SLC75A1: variants seen among roughly 807,000 people sequenced by gnomAD.
SLC75A1 encodes solute carrier family 75 member 1.
At chr4:2,932,668 C>G in the SLC75A1 span, 4 of 1,611,520 alleles carry the variant, frequency 2.5e-6, no homozygotes, top group Non-Finnish European at 3.4e-6. Context: ...CTGACGTTCC[C>G]TTTGCTGATG....
chr4:2,931,487 T>A, the SLC75A1 span: 1 of 1,585,154 alleles, frequency 6.3e-7, no homozygotes, highest in Non-Finnish European at 8.6e-7. Context: ...CACGGCAGCC[T>A]CAGCACAGCC....
chr4:2,933,683 G>A, the SLC75A1 span: 2 of 1,612,792 alleles, frequency 1.2e-6, no homozygotes, highest in Admixed American at 3.3e-5. Context: ...GAGGAATCAC[G>A]ATAAGGGCTG....
the SLC75A1 span, chr4:2,933,151 G>A: frequency 6.2e-7 from 1 of 1,613,724 alleles, no homozygotes; most frequent in East Asian, 2.2e-5. Context: ...AGTCAGAGGT[G>A]GCCCCAGTGA....
the SLC75A1 span, chr4:2,933,197 G>T: frequency 5.0e-6 from 8 of 1,613,570 alleles, no homozygotes; most frequent in Non-Finnish European, 6.8e-6. Flanking sequence ...AGAGAATGCC[G>T]AGCCAATGAG....
At chr4:2,932,593 C>T in the SLC75A1 span, 1 of 1,613,116 alleles carries the variant, frequency 6.2e-7, no homozygotes, top group Non-Finnish European at 8.5e-7. Flanking sequence ...CCAGCCTGTG[C>T]ACTTACCATG....
chr4:2,931,585 G>GCA, the SLC75A1 span: 1 of 1,613,304 alleles, frequency 6.2e-7, no homozygotes, highest in Non-Finnish European at 8.5e-7. Flanking sequence ...CCCCGCCAGG[G>GCA]TGGATCCGCC....
the SLC75A1 span, chr4:2,931,847 G>A: frequency 2.5e-6 from 4 of 1,607,240 alleles, no homozygotes; most frequent in Non-Finnish European, 3.4e-6. Context: ...AAGCGCTGGT[G>A]TGTGAGGAAG....
At chr4:2,934,250 G>T in the SLC75A1 span, 1 of 334,690 alleles carries the variant, frequency 3.0e-6, no homozygotes, top group Non-Finnish European at 5.5e-6. Flanking sequence ...CCTCGTAACA[G>T]CGAGAGAAAA....
chr4:2,932,630 C>G, the SLC75A1 span: 4 of 1,613,234 alleles, frequency 2.5e-6, no homozygotes, highest in Non-Finnish European at 3.4e-6. Context: ...GAGGCGAGCC[C>G]AGGTCAGCAA....
chr4:2,931,902 G>A, the SLC75A1 span: 21 of 1,611,402 alleles, frequency 1.3e-5, no homozygotes, highest in Admixed American at 2.0e-4. Flanking sequence ...GGTAGAGGAA[G>A]TAGACTAGGC....
chr4:2,934,080 T>C, the SLC75A1 span: 4 of 799,504 alleles, frequency 5.0e-6, no homozygotes, highest in Non-Finnish European at 7.7e-6. Context: ...GCAGGGGCCG[T>C]TCTGGCCTGC....
At chr4:2,934,479 G>A in the SLC75A1 span, 1 of 38,170 alleles carries the variant, frequency 2.6e-5, no homozygotes, top group African/African-American at 1.1e-4. Context: ...CCCACCCCGC[G>A]CGCCCCCGGT....
chr4:2,932,829 G>T, the SLC75A1 span: 1 of 1,503,912 alleles, frequency 6.6e-7, no homozygotes, highest in Non-Finnish European at 8.9e-7. Context: ...GTAGGGCTTG[G>T]CAACCCAGAC....
At chr4:2,933,084 G>A in the SLC75A1 span, 1 of 1,609,360 alleles carries the variant, frequency 6.2e-7, no homozygotes, top group South Asian at 1.1e-5. Context: ...TTCCCCATGG[G>A]CACCCAGGCC....
chr4:2,932,652 G>A, the SLC75A1 span: 1 of 1,612,736 alleles, frequency 6.2e-7, no homozygotes, highest in Non-Finnish European at 8.5e-7. Flanking sequence ...GATGGCCGTG[G>A]AGAGGCTGAC....
At chr4:2,931,687 G>A in the SLC75A1 span, 2 of 1,599,084 alleles carry the variant, frequency 1.3e-6, no homozygotes, top group East Asian at 2.3e-5. Flanking sequence ...TGTTAGTGCA[G>A]GGCACCCGGG....
At chr4:2,931,331 C>A in the SLC75A1 span, 1 of 1,543,472 alleles carries the variant, frequency 6.5e-7, no homozygotes, top group Non-Finnish European at 8.7e-7. Flanking sequence ...CATCACCCAG[C>A]CCCTGCTGCC....
At chr4:2,931,059 A>G in the SLC75A1 span, 62 of 1,606,104 alleles carry the variant, frequency 3.9e-5, no homozygotes, top group Non-Finnish European at 5.2e-5. Flanking sequence ...CCGCGCCCTC[A>G]CCTGAAGCGG....
At chr4:2,931,355 G>A in the SLC75A1 span, 1 of 1,545,320 alleles carries the variant, frequency 6.5e-7, no homozygotes. Flanking sequence ...CGGATCCCCT[G>A]CCAGGGCAGG....
Sources: allele counts gnomAD v4.1 joint callset, GRCh38; gene constraint gnomAD v4.1.1; transcripts MANE v1.5; gene names NCBI Gene and HGNC (gene_info 2026-07-23, HGNC 2026-07-21).